Variants in MAP4K5 observed in about 807,000 individuals in gnomAD.
MAP4K5 encodes mitogen-activated protein kinase kinase kinase kinase 5, also known as MAPK/ERK kinase kinase kinase 5.
MAP4K5 carries 82 observed loss-of-function variants against 135.6 expected under a neutral mutation model. The observed-to-expected ratio is 0.60, with a 90% CI of 0.51 to 0.73. The LOEUF (loss-of-function observed/expected upper bound fraction) is 0.73. Ranked by LOEUF, MAP4K5 falls within the 30% of genes least tolerant of loss-of-function variation. The pLI, the probability that MAP4K5 is intolerant of heterozygous loss-of-function variation, is 0.00. For missense variants in MAP4K5, 907 were observed against 1,010.9 expected (o/e 0.90, Z 1.39); for synonymous variants, 347 against 335.0 (o/e 1.04, Z -0.39).
chr14:50,433,020 AC>A (rs1290497683), intron 28 of MAP4K5, among the ~76,000 whole-genome samples: 7 of 152,070 alleles, frequency 4.6e-5, no homozygotes, highest in Non-Finnish European at 8.8e-5. Flanking sequence ...TATTTTTAGT[AC>A]AGATGGGGTT....
intron 1 of MAP4K5, among the ~76,000 whole-genome samples, chr14:50,549,396 A>C (rs1264003516): frequency 6.6e-6 from 1 of 152,202 alleles, no homozygotes; most frequent in East Asian, 1.9e-4. Flanking sequence ...CTCACAGCTG[A>C]GACCTAGAAG....
intron 6 of MAP4K5, among the ~76,000 whole-genome samples, chr14:50,481,223 G>A (rs971900069): frequency 2.0e-5 from 3 of 150,722 alleles, no homozygotes; most frequent in Admixed American, 6.6e-5. Flanking sequence ...AATGAAGTAG[G>A]TTTCTATGTT....
chr14:50,539,336 T>C (rs1019330961), intron 2 of MAP4K5, among the ~76,000 whole-genome samples: 1 of 152,250 alleles, frequency 6.6e-6, no homozygotes, highest in Non-Finnish European at 1.5e-5. Flanking sequence ...TTGGCTCTTC[T>C]GACTGCTTCT....
intron 1 of MAP4K5, among the ~76,000 whole-genome samples, chr14:50,545,707 G>A (rs958467431): frequency 6.6e-6 from 1 of 152,196 alleles, no homozygotes; most frequent in African/African-American, 2.4e-5. Context: ...TATCCATGTC[G>A]GCCCTGGTTG....
At chr14:50,549,925 G>A (rs367720945) in intron 1 of MAP4K5, among the ~76,000 whole-genome samples, 48 of 152,258 alleles carry the variant, frequency 3.2e-4, no homozygotes, top group East Asian at 9.7e-4. Flanking sequence ...AATATGCGCC[G>A]CAAACTCTCA....
chr14:50,515,547 G>A (rs1385754833), intron 2 of MAP4K5, among the ~76,000 whole-genome samples: 2 of 151,932 alleles, frequency 1.3e-5, no homozygotes, highest in Non-Finnish European at 2.9e-5. Context: ...TCCTAATCTT[G>A]ATTAATTCCA....
intron 14 of MAP4K5, 143 bp downstream of exon 14, chr14:50,456,373 A>G (rs2036594371): frequency 1.6e-6 from 1 of 642,980 alleles, no homozygotes; most frequent in Non-Finnish European, 2.7e-6. Flanking sequence ...TCGAAACCAG[A>G]AAAGCAACCC....
At chr14:50,503,172 C>A (rs2037742723) in intron 3 of MAP4K5, among the ~76,000 whole-genome samples, 1 of 151,582 alleles carries the variant, frequency 6.6e-6, no homozygotes, top group Non-Finnish European at 1.5e-5. Flanking sequence ...TCACTATCCC[C>A]AAAATGCAAA....
At chr14:50,530,944 G>A (rs893601991) in intron 2 of MAP4K5, among the ~76,000 whole-genome samples, 5 of 152,204 alleles carry the variant, frequency 3.3e-5, no homozygotes, top group African/African-American at 1.2e-4. Flanking sequence ...GAATCTACTG[G>A]TTAATTACCC....
rs532813417 is a variant in MAP4K5 at position 50,419,354 on chromosome 14, A to T, written c.*665T>A. The T allele has an allele frequency of 2.0e-5, 3 of 152,512 alleles. No individual in the cohort carries two copies. The highest frequency in any genetic ancestry group is 7.2e-5 in the African/African-American group (3 of 41,584). 9.4% of individuals were successfully genotyped at this position (152,512 alleles called of 1,614,324 possible). On this transcript the variant is annotated 3_prime_UTR_variant, in exon 33 of 33. Transcript: ENST00000682126. ...CTCCCTTTTAAGGTAATTCTGTATG[A>T]AACTGTATTATAAAATACTTTTGTT...
In MAP4K5 at chr14:50,428,736, T is replaced by C; in HGVS notation, c.2252A>G (p.Asn751Ser). The change falls in exon 30 of 33, where the codon AAT becomes AGT. Residue 751 changes from asparagine (N) to serine (S), a missense_variant. By Grantham distance (46) the Asn-to-Ser change is conservative (BLOSUM62 1). Transcript: ENST00000682126. ...ACTTGATTTTAATTTTCCTTGTAGA[T>C]TTACAATTTTCACAAATTCTTAAAA... ...VCLDKFVKIV[N>S]LQGKLKSSKK... 1 of 1,485,556 alleles carries C rather than the reference T, an allele frequency of 6.7e-7. No individual in the cohort carries two copies. The highest frequency in any genetic ancestry group is 9.0e-7 in the Non-Finnish European group (1 of 1,113,884). The allele number at this position is 1,485,556 out of a possible 1,614,324, so 92.0% of individuals were successfully genotyped here.
intron 1 of MAP4K5, among the ~76,000 whole-genome samples, chr14:50,556,268 C>T (rs1308071524): frequency 6.6e-6 from 1 of 152,138 alleles, no homozygotes; most frequent in Non-Finnish European, 1.5e-5. Flanking sequence ...CTTGCTCTGT[C>T]ATCCAGGCTG....
At chr14:50,457,990 A>G (rs1165752968) in intron 13 of MAP4K5, among the ~76,000 whole-genome samples, 1 of 152,172 alleles carries the variant, frequency 6.6e-6, no homozygotes, top group Non-Finnish European at 1.5e-5. Context: ...TGGGGTATCA[A>G]TCATGCTGGA....
intron 1 of MAP4K5, among the ~76,000 whole-genome samples, chr14:50,545,881 A>G (rs556320981): frequency 6.6e-6 from 1 of 152,212 alleles, no homozygotes; most frequent in Non-Finnish European, 1.5e-5. Flanking sequence ...CTGATGGCCA[A>G]ATTACAGCAA....
chr14:50,487,200 C>T (rs1277871587), intron 3 of MAP4K5, among the ~76,000 whole-genome samples: 1 of 152,014 alleles, frequency 6.6e-6, no homozygotes, highest in Non-Finnish European at 1.5e-5. Context: ...CCCAGCTACT[C>T]GGGAGGCTAA....
chr14:50,522,696 T>C (rs1404216355), intron 2 of MAP4K5, among the ~76,000 whole-genome samples: 1 of 152,122 alleles, frequency 6.6e-6, no homozygotes, highest in Non-Finnish European at 1.5e-5. Flanking sequence ...CACTCAAATA[T>C]GAAAACCAAG....
At chr14:50,432,954 C>T (rs2036007320) in intron 28 of MAP4K5, among the ~76,000 whole-genome samples, 1 of 152,150 alleles carries the variant, frequency 6.6e-6, no homozygotes, top group African/African-American at 2.4e-5. Context: ...TCTCCTGCCT[C>T]AGCCTCCCTA....
upstream of MAP4K5, among the ~76,000 whole-genome samples, chr14:50,536,463 A>G (rs2140140094): frequency 6.6e-6 from 1 of 150,406 alleles, no homozygotes; most frequent in African/African-American, 2.4e-5. Flanking sequence ...AAAAATTGTT[A>G]CCAGTAGAGT....
intron 11 of MAP4K5, 54 bp downstream of exon 11, chr14:50,466,529 T>A: frequency 2.3e-6 from 2 of 880,750 alleles, no homozygotes; most frequent in South Asian, 3.1e-5. Context: ...GGGAACTGAA[T>A]CTATACTCCT....
Sources: allele counts gnomAD v4.1 joint callset (sites outside exome capture counted in the v4.1 genomes callset), GRCh38; gene constraint gnomAD v4.1.1; transcripts MANE v1.5; gene names NCBI Gene and HGNC (gene_info 2026-07-23, HGNC 2026-07-21).